Variants in OPRD1 observed in about 807,000 individuals in gnomAD.
OPRD1 encodes the protein opioid receptor delta 1.
OPRD1 carries 19 observed loss-of-function variants against 17.5 expected under a neutral mutation model. The ratio of observed to expected loss-of-function variants is 1.09; its 90% CI spans 0.76 to 1.60. The LOEUF (loss-of-function observed/expected upper bound fraction) is 1.60. Ranked by LOEUF, OPRD1 falls within the 40% of genes most tolerant of loss-of-function variation. The pLI is 0.00. For synonymous variants in OPRD1, 256 were observed against 240.9 expected, an observed-to-expected ratio of 1.06 and a Z score of -0.58; for missense variants, 483 against 547.2, an observed-to-expected ratio of 0.88 and a Z score of 1.17.
chr1:28,840,007 C>G (rs995860135), intron 1 of OPRD1, among the ~76,000 whole-genome samples: 8 of 152,216 alleles, frequency 5.3e-5, no homozygotes, highest in Admixed American at 1.3e-4. Flanking sequence ...GGCACCTGCA[C>G]TCAGGGTTCC....
chr1:28,836,870 G>A (rs2088857387), intron 1 of OPRD1, among the ~76,000 whole-genome samples: 1 of 152,072 alleles, frequency 6.6e-6, no homozygotes, highest in Non-Finnish European at 1.5e-5. Flanking sequence ...CAGCGGTCCC[G>A]AACCTTTTTG....
intron 1 of OPRD1, among the ~76,000 whole-genome samples, chr1:28,842,324 C>G (rs140089578): frequency 6.6e-6 from 1 of 152,200 alleles, no homozygotes; most frequent in African/African-American, 2.4e-5. Flanking sequence ...CCACTGCACC[C>G]GGCCTGAGCA....
At chr1:28,862,488 T>A (rs1203191995) in intron 2 of OPRD1, among the ~76,000 whole-genome samples, 1 of 152,278 alleles carries the variant, frequency 6.6e-6, no homozygotes, top group Non-Finnish European at 1.5e-5. Flanking sequence ...ACACAAAGGC[T>A]GAAAAGGGGC....
rs1417111193 is a variant in OPRD1 at position 28,858,098 on chromosome 1, GATT to G, written c.228-855_228-853del. Among the ~76,000 whole-genome samples, 4 of 146,952 alleles carry G rather than the reference GATT, an allele frequency of 2.7e-5. No individual in the cohort carries two copies. The South Asian group carries it at 8.6e-4, about 32-fold the overall frequency. ...GTGTGAGCCACCACACCCGGCCTAG[GATT>G]TTTCTTTTTTTTTCTTTTTTTTTTT... On this transcript the variant is annotated intron_variant, in intron 1 of 2. Transcript: ENST00000234961.
At chr1:28,819,326 A>G (rs1307191560) in intron 1 of OPRD1, among the ~76,000 whole-genome samples, 2 of 151,160 alleles carry the variant, frequency 1.3e-5, no homozygotes, top group Non-Finnish European at 1.5e-5. Context: ...GCTGGGCTAG[A>G]TGACTTCTGG....
Position 28,859,140 on chromosome 1 carries a change from G to T in OPRD1, c.414G>T (p.Thr138=), listed in dbSNP as rs980851818. The change falls in exon 2 of 3, where the codon ACG becomes ACT. Residue 138 remains threonine (T), a synonymous_variant. Transcript: ENST00000234961. ...ACAATATGTTCACCAGCATCTTCAC[G>T]CTCACCATGATGAGTGTTGACCGCT... ...DYYNMFTSIF[T]LTMMSVDRYI... is the part of the protein sequence containing the mutation. The T allele has an allele frequency of 6.2e-7, 1 of 1,614,232 alleles. No individual in the cohort carries two copies. Among genetic ancestry groups the T allele is most frequent in the Non-Finnish European group, 8.5e-7 (1 of 1,180,050 alleles).
Position 28,812,192 on chromosome 1 carries a change from C to G in OPRD1, c.-192C>G, listed in dbSNP as rs2088635096. The G allele has an allele frequency of 5.5e-6, 1 of 182,724 alleles. No homozygotes were observed. The highest frequency in any genetic ancestry group is 1.1e-5 in the Non-Finnish European group (1 of 92,422). 11.3% of individuals were successfully genotyped at this position (182,724 alleles called of 1,614,324 possible). A position where few individuals can be genotyped will look rare whatever the true frequency, so the allele number is the denominator to read the frequency against. ...CTCACAGCGCTCCGGGCGAGGAGAGCGGGCGGACGCCGGGGGCTGGGCCGG... is the reference window on the plus strand; with the variant it reads ...CTCACAGCGCTCCGGGCGAGGAGAGGGGGCGGACGCCGGGGGCTGGGCCGG... On this transcript the variant is annotated 5_prime_UTR_variant, in exon 1 of 3. Transcript: ENST00000234961.
At chr1:28,822,608 A>T (rs910009601) in intron 1 of OPRD1, among the ~76,000 whole-genome samples, 20 of 151,514 alleles carry the variant, frequency 1.3e-4, no homozygotes, top group African/African-American at 4.1e-4. Flanking sequence ...CAGCCTCCCA[A>T]GTAGCTGGGA....
At position 28,866,647 on chromosome 1, in the gene OPRD1, T is replaced by G. The variant is rs909378415; in HGVS notation, c.*3364T>G. The G allele has an allele frequency of 6.6e-6, 1 of 152,168 alleles. No homozygotes were observed. Among genetic ancestry groups the G allele is most frequent in the Non-Finnish European group, 1.5e-5 (1 of 68,034 alleles). 9.4% of individuals were successfully genotyped at this position (152,168 alleles called of 1,614,324 possible). A position where few individuals can be genotyped will look rare whatever the true frequency, so the allele number is the denominator to read the frequency against. On this transcript the variant is annotated 3_prime_UTR_variant, in exon 3 of 3. Transcript: ENST00000234961. ...TCCCTGGAATTCCAGGGTCCATGTT[T>G]CCAGTTAATTCCAGGCATCAGTGAA...
chr1:28,819,618 C>T (rs2088695623), intron 1 of OPRD1, among the ~76,000 whole-genome samples: 1 of 152,172 alleles, frequency 6.6e-6, no homozygotes, highest in African/African-American at 2.4e-5. Flanking sequence ...TTTCTGTTCT[C>T]ATTTGCAAAT....
At chr1:28,823,163 T>G (rs544708589) in intron 1 of OPRD1, among the ~76,000 whole-genome samples, 25 of 150,502 alleles carry the variant, frequency 1.7e-4, no homozygotes, top group Non-Finnish European at 3.2e-4. Flanking sequence ...GAAGGGTGTG[T>G]GCAGAAAGAA....
chr1:28,849,073 A>C (rs996799747), intron 1 of OPRD1, among the ~76,000 whole-genome samples: 2 of 152,138 alleles, frequency 1.3e-5, no homozygotes, highest in African/African-American at 2.4e-5. Context: ...GGGCCAGCAG[A>C]CACAGAAAGG....
Position 28,863,197 on chromosome 1 carries a change from T to C in OPRD1, c.1033T>C (p.Phe345Leu), listed in dbSNP as rs1320542018. 1 of 1,590,282 alleles carries C rather than the reference T, an allele frequency of 6.3e-7. No homozygotes were observed. Among genetic ancestry groups the C allele is most frequent in the African/African-American group, 1.3e-5 (1 of 74,562 alleles). The change falls in exon 3 of 3, where the codon TTC (phenylalanine) becomes CTC (leucine). Residue 345 changes from phenylalanine to leucine, a missense_variant. Coordinates refer to ENST00000234961, the MANE Select transcript of OPRD1 (RefSeq NM_000911.4). The part of the protein sequence containing the change: ...KPCGRPDPSS[F>L]SRAREATARE... ...CTGCGGCCGCCCAGACCCCAGCAGC[T>C]TCAGCCGCGCCCGCGAAGCCACGGC...
intron 1 of OPRD1, among the ~76,000 whole-genome samples, chr1:28,843,652 G>C (rs1387755494): frequency 1.3e-5 from 2 of 152,028 alleles, no homozygotes; most frequent in Non-Finnish European, 2.9e-5. Context: ...ACAGGCTCTT[G>C]CTCTGTCGCC....
intron 1 of OPRD1, among the ~76,000 whole-genome samples, chr1:28,849,544 G>A (rs533429263): frequency 4.6e-4 from 70 of 152,220 alleles, no homozygotes; most frequent in South Asian, 2.7e-3. Flanking sequence ...GCACACACAC[G>A]TGCCCACGCA....
intron 1 of OPRD1, among the ~76,000 whole-genome samples, chr1:28,847,242 G>A (rs1364361970): frequency 6.6e-6 from 1 of 152,072 alleles, no homozygotes; most frequent in Non-Finnish European, 1.5e-5. Context: ...AATAGAGATG[G>A]GGTTTCGCCA....
chr1:28,830,864 G>A (rs561054818), intron 1 of OPRD1, among the ~76,000 whole-genome samples: 1 of 152,380 alleles, frequency 6.6e-6, no homozygotes, highest in South Asian at 2.1e-4. Flanking sequence ...GGGGGATGAT[G>A]CTGTATGGCT....
At chr1:28,822,013 G>T (rs1467119688) in intron 1 of OPRD1, among the ~76,000 whole-genome samples, 4 of 151,074 alleles carry the variant, frequency 2.6e-5, no homozygotes, top group African/African-American at 7.3e-5. Flanking sequence ...GTGCAATGGC[G>T]CAATCTCGGC....
intron 1 of OPRD1, among the ~76,000 whole-genome samples, chr1:28,846,731 C>G (rs965856921): frequency 4.6e-5 from 7 of 150,740 alleles, no homozygotes; most frequent in African/African-American, 1.7e-4. Flanking sequence ...AGCAAGCTCT[C>G]TGGGGCCTCT....
Sources: gnomAD v4.1 joint callset for allele counts (sites outside exome capture counted in the v4.1 genomes callset) on GRCh38, gnomAD v4.1.1 for gene constraint, MANE v1.5 for transcripts, NCBI Gene and HGNC (gene_info 2026-07-23, HGNC 2026-07-21) for gene names.